Variants in PRDM5 observed in about 807,000 individuals in gnomAD.
The protein encoded by PRDM5 is PR/SET domain 5.
PRDM5 carries 56 observed loss-of-function variants against 81.2 expected under a neutral mutation model. The ratio of observed to expected loss-of-function variants is 0.69; its 90% CI spans 0.56 to 0.86. PRDM5 has a LOEUF of 0.86. Among genes scored for constraint, PRDM5 ranks in the 40% least tolerant of loss-of-function variants. PRDM5 has a pLI of 0.00. For missense variants in PRDM5, 697 were observed against 770.1 expected (o/e 0.91, Z 1.12); for synonymous variants, 267 against 256.4 (o/e 1.04, Z -0.39).
chr4:120,684,622 CT>C (rs1232828603), downstream of PRDM5, among the ~76,000 whole-genome samples: 1 of 151,914 alleles, frequency 6.6e-6, no homozygotes, highest in Non-Finnish European at 1.5e-5. Flanking sequence ...TAATGCTCTC[CT>C]TTTGGGGCTT....
chr4:120,861,237 A>T (rs1286724024), intron 2 of PRDM5, among the ~76,000 whole-genome samples: 2 of 152,108 alleles, frequency 1.3e-5, no homozygotes, highest in South Asian at 2.1e-4. Context: ...CAAACTCCTG[A>T]CCTCAAGTGA....
intron 2 of PRDM5, among the ~76,000 whole-genome samples, chr4:120,891,452 T>C (rs969374626): frequency 4.6e-5 from 7 of 152,178 alleles, no homozygotes; most frequent in African/African-American, 1.7e-4. Flanking sequence ...TAGTGGTCCA[T>C]TGACCTCATT....
At position 120,777,227 on chromosome 4, in the gene PRDM5, T is replaced by C; in HGVS notation, c.1498A>G (p.Ser500Gly). 1 of 1,613,514 alleles carries C rather than the reference T, an allele frequency of 6.2e-7. No individual in the cohort carries two copies. The highest frequency in any genetic ancestry group is 8.5e-7 in the Non-Finnish European group (1 of 1,179,568). ...ICPYCGQKFA[S>G]SGTLRVHIRS... is the part of the protein sequence containing the mutation. ...ATATGAACTCTGAGTGTACCACTGC[T>C]GGCAAATTTCTGGCCACAATATGGA... The change falls in exon 13 of 16, where the codon AGC becomes GGC. Residue 500 changes from serine to glycine, a missense_variant. Ser to Gly is a moderately conservative substitution (Grantham distance 56, BLOSUM62 0). Around this residue, in one of 3 missense-constraint regions of PRDM5, gnomAD observed 577 missense variants for 606.7 expected, o/e 0.95. Transcript: ENST00000264808.
intron 14 of PRDM5, 39 bp downstream of exon 14, chr4:120,754,514 T>G: frequency 7.2e-7 from 1 of 1,390,296 alleles, no homozygotes; most frequent in Admixed American, 1.7e-5. Flanking sequence ...TAAGTATGGT[T>G]TTCATGATCA....
At chr4:120,747,470 A>C (rs1276172949) in intron 14 of PRDM5, among the ~76,000 whole-genome samples, 6 of 151,894 alleles carry the variant, frequency 4.0e-5, no homozygotes, top group Non-Finnish European at 7.4e-5. Context: ...TAAATAAATA[A>C]ATTTTTGGGG....
At chr4:120,815,002 G>T (rs1036436417) in intron 7 of PRDM5, among the ~76,000 whole-genome samples, 1 of 152,164 alleles carries the variant, frequency 6.6e-6, no homozygotes, top group Non-Finnish European at 1.5e-5. Context: ...AAGCCTCAAA[G>T]ACATTGTGCT....
At chr4:120,707,345 A>G (rs1334650442) in intron 15 of PRDM5, among the ~76,000 whole-genome samples, 4 of 152,030 alleles carry the variant, frequency 2.6e-5, no homozygotes, top group East Asian at 1.9e-4. Context: ...AGTCATCTCA[A>G]TTGATGCAGA....
chr4:120,731,511 G>C (rs1740259815), intron 14 of PRDM5: 1 of 152,016 alleles, frequency 6.6e-6, no homozygotes, highest in African/African-American at 2.4e-5. Context: ...AATGAGACTG[G>C]AGAAAAATCT....
intron 6 of PRDM5, 83 bp from the exon 7 acceptor site, chr4:120,816,657 T>A (rs1754556690): frequency 3.8e-6 from 6 of 1,587,594 alleles, no homozygotes; most frequent in African/African-American, 1.3e-5. Flanking sequence ...GATTTTGTAA[T>A]ACATGCTCCC....
chr4:120,803,678 T>G (rs1462782340), intron 8 of PRDM5, among the ~76,000 whole-genome samples: 1 of 152,186 alleles, frequency 6.6e-6, no homozygotes, highest in Admixed American at 6.5e-5. Context: ...CCACCAGGCC[T>G]GCCCTACAAG....
At chr4:120,697,516 CTT>C (rs537716980) in intron 15 of PRDM5, among the ~76,000 whole-genome samples, 6 of 145,296 alleles carry the variant, frequency 4.1e-5, no homozygotes, top group South Asian at 2.2e-4. Context: ...AAATATTAAT[CTT>C]TTTTTTTTTT....
At chr4:120,820,523 A>G (rs1010376121) in intron 4 of PRDM5, among the ~76,000 whole-genome samples, 4 of 152,322 alleles carry the variant, frequency 2.6e-5, no homozygotes, top group African/African-American at 7.2e-5. Context: ...GCCAATAATA[A>G]TTGATTATTC....
chr4:120,714,708 A>C (rs2149040175), intron 14 of PRDM5, among the ~76,000 whole-genome samples: 1 of 152,228 alleles, frequency 6.6e-6, no homozygotes, highest in South Asian at 2.1e-4. Context: ...GATTTGAAAT[A>C]GTGAGGACAC....
At chr4:120,788,109 C>T (rs1469341454) in intron 10 of PRDM5, among the ~76,000 whole-genome samples, 2 of 152,114 alleles carry the variant, frequency 1.3e-5, no homozygotes, top group South Asian at 2.1e-4. Flanking sequence ...GTGCACATCC[C>T]TTGACTAACC....
rs756946467 is a variant in PRDM5 at position 120,816,548 on chromosome 4, C to G, written c.770G>C (p.Arg257Pro). The change falls in exon 7 of 16, where the codon CGG becomes CCG. Residue 257 changes from arginine (R) to proline (P), a missense_variant. By Grantham distance (103) the Arg-to-Pro change is moderately radical (BLOSUM62 -2). Transcript: ENST00000264808. ...SSFEQHQETC[R>P]GDARFVCKAD... is the part of the protein sequence containing the mutation. Reference sequence around the variant, plus strand: ...CTTGCACACAAACCTGGCATCCCCCCGGCAAGTCTCCTGGTGCTGCTCAAA... The same window carrying G: ...CTTGCACACAAACCTGGCATCCCCCGGGCAAGTCTCCTGGTGCTGCTCAAA... 2.5e-6 allele frequency: 4 copies of G among 1,614,130 alleles called. No homozygotes were observed. Among genetic ancestry groups the G allele is most frequent in the South Asian group, 2.2e-5 (2 of 91,084 alleles).
intron 10 of PRDM5, among the ~76,000 whole-genome samples, chr4:120,789,773 G>A (rs1489151078): frequency 1.3e-5 from 2 of 152,144 alleles, no homozygotes; most frequent in African/African-American, 4.8e-5. Context: ...ATTGAAACTG[G>A]AAAGATATTG....
intron 3 of PRDM5, among the ~76,000 whole-genome samples, chr4:120,832,907 A>G (rs1193838465): frequency 2.0e-5 from 3 of 152,160 alleles, no homozygotes; most frequent in Admixed American, 6.5e-5. Flanking sequence ...AAAGAGAACC[A>G]GCATTGTGCC....
At chr4:120,887,780 T>G (rs977871388) in intron 2 of PRDM5, among the ~76,000 whole-genome samples, 1 of 150,688 alleles carries the variant, frequency 6.6e-6, no homozygotes, top group Non-Finnish European at 1.5e-5. Context: ...GCCTAGACAT[T>G]TTATCCTTTT....
At chr4:120,696,129 C>T (rs1425304705) in intron 15 of PRDM5, among the ~76,000 whole-genome samples, 1 of 151,974 alleles carries the variant, frequency 6.6e-6, no homozygotes, top group African/African-American at 2.4e-5. Flanking sequence ...ATAAGAAACT[C>T]AGAAAGGCTC....
Sources: gnomAD v4.1 joint callset for allele counts (sites outside exome capture counted in the v4.1 genomes callset) on GRCh38, gnomAD v4.1.1 for gene constraint, gnomAD v4.1.1 regional missense constraint, MANE v1.5 for transcripts, NCBI Gene and HGNC (gene_info 2026-07-23, HGNC 2026-07-21) for gene names.